PREX1: variants seen among roughly 807,000 people sequenced by gnomAD.
The protein encoded by PREX1 is phosphatidylinositol 3,4,5-trisphosphate-dependent Rac exchanger 1 protein.
In PREX1, 41 loss-of-function variants were observed where a neutral mutation model predicts 198.3. The observed-to-expected ratio is 0.21, with a 90% CI of 0.16 to 0.27. PREX1 has a LOEUF of 0.27. Among genes scored for constraint, PREX1 ranks in the 10% least tolerant of loss-of-function variants. PREX1 has a pLI of 1.00. For missense variants in PREX1, 1,620 were observed against 2,200.7 expected, an observed-to-expected ratio of 0.74 and a Z score of 5.28; for synonymous variants, 843 against 887.2, an observed-to-expected ratio of 0.95 and a Z score of 0.89.
At chr20:48,663,354 G>A (rs187676879) in intron 15 of PREX1, among the ~76,000 whole-genome samples, 21 of 152,312 alleles carry the variant, frequency 1.4e-4, no homozygotes, top group Admixed American at 1.4e-3. Context: ...CCAGCAGGCC[G>A]ACCAGGGCTC....
the PREX1 span, among the ~76,000 whole-genome samples, chr20:48,843,372 C>T: frequency 4.6e-5 from 7 of 152,270 alleles, no homozygotes; most frequent in East Asian, 1.4e-3. Context: ...ATGGCCAGGC[C>T]TGAGTCATGT....
At chr20:48,731,032 C>T (rs952163537) in intron 4 of PREX1, among the ~76,000 whole-genome samples, 8 of 152,052 alleles carry the variant, frequency 5.3e-5, no homozygotes, top group African/African-American at 1.7e-4. Flanking sequence ...AAATTTCAGA[C>T]TCTTTCCATT....
intron 30 of PREX1, among the ~76,000 whole-genome samples, chr20:48,638,488 C>T (rs1416159669): frequency 6.6e-6 from 1 of 152,182 alleles, no homozygotes; most frequent in Non-Finnish European, 1.5e-5. Flanking sequence ...GCTCCTCGGC[C>T]CACAAAAGGG....
intron 4 of PREX1, among the ~76,000 whole-genome samples, chr20:48,730,095 C>A (rs1231878169): frequency 1.3e-5 from 2 of 152,094 alleles, no homozygotes; most frequent in African/African-American, 4.8e-5. Flanking sequence ...CCCACCGACA[C>A]CCTGATTTCA....
chr20:48,688,613 C>T (rs1325999499), intron 10 of PREX1, 44 bp downstream of exon 10: 1 of 1,611,914 alleles, frequency 6.2e-7, no homozygotes, highest in East Asian at 2.2e-5. Context: ...CCACCTCCAG[C>T]TGAGAGCCCA....
chr20:48,838,508 C>T, the PREX1 span, among the ~76,000 whole-genome samples: 2 of 151,908 alleles, frequency 1.3e-5, no homozygotes, highest in African/African-American at 2.4e-5. Flanking sequence ...TAAGTAAATA[C>T]TTAAATATAG....
intron 4 of PREX1, 87 bp from the exon 5 acceptor site, chr20:48,726,478 G>T: frequency 1.1e-6 from 1 of 933,108 alleles, no homozygotes; most frequent in Non-Finnish European, 1.7e-6. Flanking sequence ...CGCTCTCAGA[G>T]CACAGCTACA....
At chr20:48,815,641 C>T (rs967468901) in intron 1 of PREX1, among the ~76,000 whole-genome samples, 5 of 152,156 alleles carry the variant, frequency 3.3e-5, no homozygotes, top group African/African-American at 7.2e-5. Flanking sequence ...TCCTAGGTAA[C>T]GGGGGTACCA....
intron 1 of PREX1, among the ~76,000 whole-genome samples, chr20:48,749,794 G>A (rs2090126281): frequency 6.6e-6 from 1 of 152,164 alleles, no homozygotes; most frequent in Non-Finnish European, 1.5e-5. Flanking sequence ...TTCCATTACT[G>A]GAATGCTAAG....
intron 1 of PREX1, among the ~76,000 whole-genome samples, chr20:48,748,479 T>C (rs1192043163): frequency 2.0e-5 from 3 of 147,366 alleles, no homozygotes; most frequent in East Asian, 2.0e-4. Context: ...ATCTATTCCT[T>C]TTTTTTTTTA....
At chr20:48,660,508 T>A (rs968806671) in intron 15 of PREX1, among the ~76,000 whole-genome samples, 2 of 152,128 alleles carry the variant, frequency 1.3e-5, no homozygotes, top group Admixed American at 1.3e-4. Context: ...AATCCCTACC[T>A]CACACCATAT....
the PREX1 span, among the ~76,000 whole-genome samples, chr20:48,844,396 T>C: frequency 6.6e-6 from 1 of 152,106 alleles, no homozygotes; most frequent in East Asian, 1.9e-4. Context: ...CTTCTCCCTA[T>C]TGAAACCCCA....
Position 48,708,204 on chromosome 20 carries a change from C to A in PREX1, c.783+56G>T, listed in dbSNP as rs1008988945. Reference sequence around the variant, plus strand: ...CCCAGGCCTCAGTTCATGACTGCACCTGTGCACCTCCTGGCCCCCTGCGGC... The same window carrying A: ...CCCAGGCCTCAGTTCATGACTGCACATGTGCACCTCCTGGCCCCCTGCGGC... On this transcript the variant is annotated intron_variant, in intron 6 of 39. Coordinates refer to ENST00000371941, the MANE Select transcript of PREX1 (RefSeq NM_020820.4). The A allele has an allele frequency of 6.9e-6, 11 of 1,586,908 alleles. No homozygotes were observed. The South Asian group carries it at 1.1e-4, about 16-fold the overall frequency.
intron 1 of PREX1, among the ~76,000 whole-genome samples, chr20:48,772,598 G>A (rs541347690): frequency 4.6e-5 from 7 of 152,304 alleles, no homozygotes; most frequent in South Asian, 4.1e-4. Context: ...AAAGGAAGTC[G>A]GCAGCTCAGC....
At chr20:48,747,767 A>G (rs138625900) in intron 2 of PREX1, 42 bp downstream of exon 2, 1 of 1,565,324 alleles carries the variant, frequency 6.4e-7, no homozygotes, top group East Asian at 2.3e-5. Flanking sequence ...GCACAAAGCA[A>G]CACAGATGCT....
intron 1 of PREX1, among the ~76,000 whole-genome samples, chr20:48,765,079 T>C (rs2090202416): frequency 6.6e-6 from 1 of 152,170 alleles, no homozygotes; most frequent in Non-Finnish European, 1.5e-5. Context: ...CACAAGAAAC[T>C]AATACGACTG....
chr20:48,712,668 T>C (rs1420712524), intron 5 of PREX1, among the ~76,000 whole-genome samples: 1 of 152,244 alleles, frequency 6.6e-6, no homozygotes, highest in East Asian at 1.9e-4. Context: ...AAGCAAGACC[T>C]GGCCAGGCCC....
Position 48,651,508 on chromosome 20 carries a change from T to C in PREX1, c.2543A>G (p.Asn848Ser). The C allele has an allele frequency of 3.7e-6, 6 of 1,614,198 alleles. No homozygotes were observed. The highest frequency in any genetic ancestry group is 5.1e-6 in the Non-Finnish European group (6 of 1,180,042). Reference sequence around the variant, plus strand: ...CACCACGCCGTGTTCCAGGTGCACGTTGTCCACAGTCAGGGTGACCATGGG... The same window carrying C: ...CACCACGCCGTGTTCCAGGTGCACGCTGTCCACAGTCAGGGTGACCATGGG... ...DSPMVTLTVDNVHLEHGVVYE... is the reference protein window; with the variant it reads ...DSPMVTLTVDSVHLEHGVVYE... Residue 848 changes from asparagine (N) to serine (S), a missense_variant, in exon 22 of 40, where the codon AAC becomes AGC. Coordinates refer to ENST00000371941, the MANE Select transcript of PREX1 (RefSeq NM_020820.4).
intron 1 of PREX1, among the ~76,000 whole-genome samples, chr20:48,748,990 AC>A (rs1167046962): frequency 6.6e-6 from 1 of 152,160 alleles, no homozygotes; most frequent in Non-Finnish European, 1.5e-5. Context: ...AATGGTGCCA[AC>A]AAGAGATGAC....
Sources: allele counts gnomAD v4.1 joint callset (sites outside exome capture counted in the v4.1 genomes callset), GRCh38; gene constraint gnomAD v4.1.1; transcripts MANE v1.5; gene names NCBI Gene and HGNC (gene_info 2026-07-23, HGNC 2026-07-21).